Variants in BMP6 observed in about 807,000 individuals in gnomAD.
BMP6 encodes the protein VG-1-R.
Under a neutral mutation model 54.1 loss-of-function variants are expected in BMP6, and 17 were observed. The ratio of observed to expected loss-of-function variants is 0.31; its 90% CI spans 0.22 to 0.47. BMP6 has a LOEUF of 0.47. Ranked by LOEUF, BMP6 falls within the 20% of genes least tolerant of loss-of-function variation. The pLI is 1.00. For synonymous variants in BMP6, 328 were observed against 291.2 expected (o/e 1.13, Z -1.28); for missense variants, 720 against 690.4 (o/e 1.04, Z -0.48).
chr6:7,817,851 T>C (rs1241242843), intron 1 of BMP6, among the ~76,000 whole-genome samples: 2 of 152,238 alleles, frequency 1.3e-5, no homozygotes, highest in Non-Finnish European at 2.9e-5. Flanking sequence ...AAATGTAGTG[T>C]TGCGAAGGGC....
At chr6:7,741,696 G>A (rs187749550) in intron 1 of BMP6, among the ~76,000 whole-genome samples, 340 of 152,320 alleles carry the variant, frequency 2.2e-3, no homozygotes, top group Admixed American at 4.4e-3. Context: ...GCCTCCAAAA[G>A]TGCTGGGCTT....
intron 1 of BMP6, among the ~76,000 whole-genome samples, chr6:7,790,810 A>G (rs1758091418): frequency 6.6e-6 from 1 of 152,174 alleles, no homozygotes; most frequent in Non-Finnish European, 1.5e-5. Flanking sequence ...TCCTTCTTGC[A>G]GGTCTGTCCT....
intron 1 of BMP6, among the ~76,000 whole-genome samples, chr6:7,829,118 C>CTGACGATGGG (rs1758748971): frequency 6.6e-6 from 1 of 152,212 alleles, no homozygotes; most frequent in Admixed American, 6.5e-5. Flanking sequence ...ATAGCCCCAT[C>CTGACGATGGG]GTCATGGTCA....
At chr6:7,844,990 G>GC (rs1759037941) in intron 1 of BMP6, 150 bp from the exon 2 acceptor site, 2 of 600,022 alleles carry the variant, frequency 3.3e-6, no homozygotes. Context: ...TCATGGGCCA[G>GC]CCAGTGGTCT....
intron 1 of BMP6, among the ~76,000 whole-genome samples, chr6:7,828,029 CTT>C (rs900794375): frequency 6.6e-6 from 1 of 152,170 alleles, no homozygotes; most frequent in African/African-American, 2.4e-5. Context: ...TTTTCCCACT[CTT>C]TTTTAAGTTT....
intron 4 of BMP6, among the ~76,000 whole-genome samples, chr6:7,873,475 A>G (rs1279874726): frequency 6.6e-6 from 1 of 152,084 alleles, no homozygotes; most frequent in Non-Finnish European, 1.5e-5. Flanking sequence ...ATGTTCACCA[A>G]CCTGGAAGCT....
intron 1 of BMP6, among the ~76,000 whole-genome samples, chr6:7,764,249 CA>C (rs1299873464): frequency 1.3e-5 from 2 of 152,172 alleles, no homozygotes; most frequent in African/African-American, 4.8e-5. Context: ...CTGCTTTCCT[CA>C]AATTAAACCT....
chr6:7,733,647 A>G (rs1472340458), intron 1 of BMP6, among the ~76,000 whole-genome samples: 8 of 152,168 alleles, frequency 5.3e-5, no homozygotes, highest in Admixed American at 3.9e-4. Context: ...CCAGTGCATT[A>G]TGTTGTTCTT....
intron 2 of BMP6, among the ~76,000 whole-genome samples, chr6:7,854,416 T>C (rs1053435067): frequency 4.6e-5 from 7 of 152,394 alleles, no homozygotes; most frequent in African/African-American, 1.7e-4. Context: ...CTTTTACTGT[T>C]TCATTTCCCC....
intron 1 of BMP6, among the ~76,000 whole-genome samples, chr6:7,742,648 A>G (rs986080418): frequency 6.6e-6 from 1 of 152,174 alleles, no homozygotes; most frequent in African/African-American, 2.4e-5. Context: ...ACAGATGTGC[A>G]TTATTGCTTC....
At chr6:7,871,630 G>C (rs529893374) in intron 4 of BMP6, among the ~76,000 whole-genome samples, 2 of 152,318 alleles carry the variant, frequency 1.3e-5, no homozygotes, top group African/African-American at 4.8e-5. Flanking sequence ...CTGCCCTTGA[G>C]GGGGACCAGA....
At position 7,880,541 on chromosome 6, in the gene BMP6, T is replaced by G; in HGVS notation, c.*198T>G. On this transcript the variant is annotated 3_prime_UTR_variant, in exon 7 of 7. Coordinates refer to ENST00000283147, the MANE Select transcript of BMP6 (RefSeq NM_001718.6). ...CTTGGTAAATGACGTGAGTAGTTGT[T>G]GGTCTGTAGCAAGCTGAGTTTGGAT... 1 of 694,404 alleles carries G rather than the reference T, an allele frequency of 1.4e-6. No homozygotes were observed. The highest frequency in any genetic ancestry group is 1.9e-5 in the South Asian group (1 of 51,818). The allele number at this position is 694,404 out of a possible 1,614,324, so 43.0% of individuals were successfully genotyped here. A position where few individuals can be genotyped will look rare whatever the true frequency, so the allele number is the denominator to read the frequency against.
At chr6:7,775,633 C>G (rs575301532) in intron 1 of BMP6, among the ~76,000 whole-genome samples, 1 of 152,138 alleles carries the variant, frequency 6.6e-6, no homozygotes, top group African/African-American at 2.4e-5. Context: ...GTCAAGGGAC[C>G]GGGTTCATGT....
rs367763539 is a variant in BMP6, at chr6:7,775,975, G to A, written c.664+48356G>A. Among the ~76,000 whole-genome samples the A allele has an allele frequency of 3.2e-4, 48 of 152,126 alleles. 1 individual carries two copies. In the South Asian group the frequency reaches 7.3e-3, roughly 23 times the overall value. On this transcript the variant is annotated intron_variant, in intron 1 of 6. Coordinates refer to ENST00000283147, the MANE Select transcript of BMP6 (RefSeq NM_001718.6). ...TAGAATGAAACAGCACTTCCTCTAC[G>A]TCCATACCACCCTGAATGCACTTGA...
At chr6:7,740,508 T>C (rs2113116180) in intron 1 of BMP6, among the ~76,000 whole-genome samples, 1 of 152,220 alleles carries the variant, frequency 6.6e-6, no homozygotes, top group African/African-American at 2.4e-5. Flanking sequence ...TTAGATTCCA[T>C]TTGTAGAAAG....
At chr6:7,808,608 A>G (rs971333555) in intron 1 of BMP6, among the ~76,000 whole-genome samples, 1 of 152,118 alleles carries the variant, frequency 6.6e-6, no homozygotes, top group Non-Finnish European at 1.5e-5. Context: ...CTTTTGTCTG[A>G]TTTTATTTAC....
intron 2 of BMP6, among the ~76,000 whole-genome samples, chr6:7,854,512 G>A (rs1349650111): frequency 3.3e-5 from 5 of 152,336 alleles, no homozygotes; most frequent in East Asian, 1.9e-4. Context: ...AAAAGGTAGC[G>A]GGGGCTGGGT....
chr6:7,774,601 G>A (rs1757837293), intron 1 of BMP6, among the ~76,000 whole-genome samples: 1 of 151,972 alleles, frequency 6.6e-6, no homozygotes. Context: ...CTTAGTCCTA[G>A]CTACTCGAGA....
At chr6:7,802,236 A>G (rs1758279396) in intron 1 of BMP6, among the ~76,000 whole-genome samples, 1 of 152,228 alleles carries the variant, frequency 6.6e-6, no homozygotes, top group Non-Finnish European at 1.5e-5. Flanking sequence ...TTAAGAGAAG[A>G]GTATGATTGA....
Sources: allele counts gnomAD v4.1 joint callset (sites outside exome capture counted in the v4.1 genomes callset), GRCh38; gene constraint gnomAD v4.1.1; transcripts MANE v1.5; gene names NCBI Gene and HGNC (gene_info 2026-07-23, HGNC 2026-07-21).